ZFPM2: variants seen among roughly 807,000 people sequenced by gnomAD.
ZFPM2 encodes the protein zinc finger protein, FOG family member 2.
A neutral mutation model predicts 98.6 loss-of-function variants in ZFPM2; 20 were observed. That is an observed-to-expected ratio of 0.20 (90% CI 0.14 to 0.29). The LOEUF is 0.29. Ranked by LOEUF, ZFPM2 falls within the 10% of genes least tolerant of loss-of-function variation. The pLI is 1.00. For missense variants in ZFPM2, 1,310 were observed against 1,388.6 expected, an observed-to-expected ratio of 0.94 and a Z score of 0.90; for synonymous variants, 518 against 502.7, an observed-to-expected ratio of 1.03 and a Z score of -0.41.
In ZFPM2 at chr8:105,802,494, G is replaced by C; in HGVS notation, c.2412G>C (p.Thr804=). 1 of 1,612,472 alleles carries C rather than the reference G, an allele frequency of 6.2e-7. No individual in the cohort carries two copies. Among genetic ancestry groups the C allele is most frequent in the South Asian group, 1.1e-5 (1 of 90,808 alleles). Residue 804 remains threonine (T), a synonymous_variant, in exon 8 of 8, where the codon ACG becomes ACC. Transcript: ENST00000407775. The part of the protein sequence containing the change: ...IVSKHLETSL[T]INKCVPVSKC... The stretch of plus-strand genomic sequence containing the variant: ...CTAAACACTTGGAAACTTCTCTGAC[G>C]ATCAACAAGTGTGTTCCAGTTTCCA...
At chr8:105,721,888 T>A (rs376877378) in intron 5 of ZFPM2, among the ~76,000 whole-genome samples, 1 of 151,936 alleles carries the variant, frequency 6.6e-6, no homozygotes, top group Non-Finnish European at 1.5e-5. Flanking sequence ...CACTTGTGGC[T>A]ATGGAGCACT....
intron 5 of ZFPM2, among the ~76,000 whole-genome samples, chr8:105,682,692 G>C (rs1250213397): frequency 6.6e-6 from 1 of 152,124 alleles, no homozygotes; most frequent in Non-Finnish European, 1.5e-5. Context: ...TCAGTCATAT[G>C]CTATATCTAC....
chr8:105,694,379 T>C (rs1012985606), intron 5 of ZFPM2, among the ~76,000 whole-genome samples: 8 of 152,070 alleles, frequency 5.3e-5, no homozygotes, highest in African/African-American at 1.7e-4. Context: ...AGTAAAAAAA[T>C]CACAATTATG....
At chr8:105,559,389 A>G (rs557198319) in intron 3 of ZFPM2, among the ~76,000 whole-genome samples, 68 of 152,270 alleles carry the variant, frequency 4.5e-4, no homozygotes, top group Non-Finnish European at 6.9e-4. Context: ...CTGTTGATAT[A>G]CCAGAATTTA....
In ZFPM2 at chr8:105,788,932, C is replaced by T; in HGVS notation, c.739+8C>T. ...CCACAGCTATTGTCAATAGTAAGTG[C>T]TCAGTGCTGTGTAGCCCAGCTTTAG... On this transcript the variant is annotated splice_region_variant and intron_variant, in intron 6 of 7. Coordinates refer to ENST00000407775, the MANE Select transcript of ZFPM2 (RefSeq NM_012082.4). 1 of 1,611,224 alleles carries T rather than the reference C, an allele frequency of 6.2e-7. No homozygotes were observed.
intron 5 of ZFPM2, among the ~76,000 whole-genome samples, chr8:105,646,051 GAAAA>G (rs33913136): frequency 6.9e-4 from 92 of 133,176 alleles, no homozygotes; most frequent in Middle Eastern, 4.0e-3. Flanking sequence ...ACTCCATCTG[GAAAA>G]AAAAAAAAAA....
intron 3 of ZFPM2, among the ~76,000 whole-genome samples, chr8:105,464,596 A>T (rs182238687): frequency 6.6e-6 from 1 of 152,184 alleles, no homozygotes; most frequent in East Asian, 1.9e-4. Flanking sequence ...AAGTGTATGG[A>T]TGCAGATTAG....
chr8:105,803,923 TG>T lies in ZFPM2; in HGVS notation c.*386del, dbSNP rs1243694729. On this transcript the variant is annotated 3_prime_UTR_variant, in exon 8 of 8. Transcript: ENST00000407775. Reference sequence around the variant, plus strand: ...TTTTAGAAATAGCTTCAAAAGCACTTGTGTATCTTGATTTTTTCTTATATGC... The same window carrying T: ...TTTTAGAAATAGCTTCAAAAGCACTTTGTATCTTGATTTTTTCTTATATGC... 6.0e-6 allele frequency: 1 copy of T among 166,100 alleles called. No individual in the cohort carries two copies. The highest frequency in any genetic ancestry group is 1.7e-4 in the East Asian group (1 of 5,996). 10.3% of individuals were successfully genotyped at this position (166,100 alleles called of 1,614,324 possible).
intron 1 of ZFPM2, among the ~76,000 whole-genome samples, chr8:105,362,745 C>T (rs1395332955): frequency 3.3e-5 from 5 of 151,938 alleles, no homozygotes; most frequent in Non-Finnish European, 2.9e-5. Context: ...TTTGTGAACC[C>T]GTTTGTAATA....
intron 4 of ZFPM2, among the ~76,000 whole-genome samples, chr8:105,583,775 G>A (rs1815653368): frequency 6.6e-6 from 1 of 152,114 alleles, no homozygotes; most frequent in Non-Finnish European, 1.5e-5. Context: ...TAGGAGAAAA[G>A]GACCTGAAGG....
intron 5 of ZFPM2, among the ~76,000 whole-genome samples, chr8:105,703,326 T>A (rs1198784630): frequency 6.6e-6 from 1 of 151,990 alleles, no homozygotes; most frequent in Non-Finnish European, 1.5e-5. Flanking sequence ...TATACTGAGG[T>A]AAATAGAAAA....
In ZFPM2 at chr8:105,575,333, C is replaced by G. The variant is rs140868826; in HGVS notation, c.420+13852C>G. ...AACAATGAGCCGTTGTATCACCCCC[C>G]TCCCTTTCCCCAATTGTTGTAGCCC... On this transcript the variant is annotated intron_variant, in intron 4 of 7. Transcript: ENST00000407775. 4.9e-4 allele frequency among the ~76,000 whole-genome samples: 75 copies of G among 152,292 alleles called. No homozygotes were observed. In the East Asian group the frequency reaches 0.014, roughly 28 times the overall value.
At position 105,801,314 on chromosome 8, in the gene ZFPM2, C is replaced by A. The variant is rs1488624344; in HGVS notation, c.1232C>A (p.Ala411Asp). ...PSATEDSLQP[A>D]TDLLTRSELP... ...GCAACTGAAGACAGCTTACAGCCAG[C>A]CACAGACTTATTGACCAGAAGCGAA... The change falls in exon 8 of 8, where the codon GCC becomes GAC. Residue 411 changes from alanine to aspartate, a missense_variant. Coordinates refer to ENST00000407775, the MANE Select transcript of ZFPM2 (RefSeq NM_012082.4). The A allele has an allele frequency of 1.2e-6, 2 of 1,613,774 alleles. No homozygotes were observed. Among genetic ancestry groups the A allele is most frequent in the African/African-American group, 2.7e-5 (2 of 74,888 alleles).
intron 2 of ZFPM2, among the ~76,000 whole-genome samples, chr8:105,431,349 T>C (rs1018389140): frequency 6.6e-6 from 1 of 152,198 alleles, no homozygotes; most frequent in African/African-American, 2.4e-5. Flanking sequence ...TTTGCTTTGC[T>C]TGGTTATTAG....
At chr8:105,661,221 T>G (rs1265871282) in intron 5 of ZFPM2, among the ~76,000 whole-genome samples, 10 of 152,296 alleles carry the variant, frequency 6.6e-5, no homozygotes, top group Admixed American at 6.5e-4. Context: ...GATTGTCTCT[T>G]GGCAACCCAG....
intron 3 of ZFPM2, among the ~76,000 whole-genome samples, chr8:105,464,320 T>C (rs1812757048): frequency 6.6e-6 from 1 of 152,070 alleles, no homozygotes; most frequent in Admixed American, 6.6e-5. Flanking sequence ...AAAAATCAAA[T>C]ATATGCTTAT....
intron 3 of ZFPM2, among the ~76,000 whole-genome samples, chr8:105,511,289 A>T (rs1813812538): frequency 6.6e-6 from 1 of 152,238 alleles, no homozygotes; most frequent in Non-Finnish European, 1.5e-5. Context: ...TTCTCCCAGG[A>T]AAGATTCCAA....
chr8:105,471,161 T>C (rs1415736194), intron 3 of ZFPM2, among the ~76,000 whole-genome samples: 1 of 152,182 alleles, frequency 6.6e-6, no homozygotes, highest in Non-Finnish European at 1.5e-5. Flanking sequence ...TTTGGCTGTT[T>C]CCATCTCTGA....
chr8:105,332,807 C>A (rs1812257214), intron 1 of ZFPM2, among the ~76,000 whole-genome samples: 1 of 151,598 alleles, frequency 6.6e-6, no homozygotes, highest in African/African-American at 2.4e-5. Flanking sequence ...TGTATCCTGG[C>A]AGAAACAATA....
Sources: gnomAD v4.1 joint callset for allele counts (sites outside exome capture counted in the v4.1 genomes callset) on GRCh38, gnomAD v4.1.1 for gene constraint, MANE v1.5 for transcripts, NCBI Gene and HGNC (gene_info 2026-07-23, HGNC 2026-07-21) for gene names.